The following DGUOK variants were observed in gnomAD, a reference collection of about 807,000 sequenced individuals.
DGUOK encodes the protein deoxyguanosine kinase, mitochondrial.
A neutral mutation model predicts 36.6 loss-of-function variants in DGUOK; 30 were observed. The observed-to-expected ratio is 0.82, with a 90% CI of 0.61 to 1.11. The LOEUF is 1.11. DGUOK is among the 50% of genes most tolerant of loss of function. DGUOK has a pLI of 0.00. For missense variants in DGUOK, 361 were observed against 336.4 expected (o/e 1.07, Z -0.57); for synonymous variants, 145 against 126.3 (o/e 1.15, Z -0.99).
rs767591165 is a variant in DGUOK at position 73,950,725 on chromosome 2, C to T, written c.584C>T (p.Ser195Phe). The T allele has an allele frequency of 9.0e-5, 145 of 1,614,104 alleles. No homozygotes were observed. Among genetic ancestry groups the T allele is most frequent in the Non-Finnish European group, 1.2e-4 (138 of 1,180,054 alleles). The change falls in exon 4 of 7, where the codon TCT becomes TTT. Residue 195 changes from serine (S) to phenylalanine (F), a missense_variant. By Grantham distance (155) the Ser-to-Phe change is radical. Coordinates refer to ENST00000264093, the MANE Select transcript of DGUOK (RefSeq NM_080916.3). ...TLHGFIYLQA[S>F]PQVCLKRLYQ... ...CATGGCTTCATCTACCTCCAGGCTT[C>T]TCCCCAGGTAACACTGAACCTACAA... is the stretch of plus-strand genomic sequence containing the variant.
chr2:73,953,311 G>A (rs984617814), intron 4 of DGUOK, among the ~76,000 whole-genome samples: 19 of 134,748 alleles, frequency 1.4e-4, no homozygotes, highest in African/African-American at 5.0e-4. Context: ...CGTCGTCGTC[G>A]TCGTCACTTG....
rs773862116 is a variant in DGUOK, at chr2:73,958,760, T to G, written c.*24T>G. On this transcript the variant is annotated 3_prime_UTR_variant, in exon 7 of 7. Transcript: ENST00000264093. ...AACCAATACCATGAAGTTCAGGCTG[T>G]GATCTGGGCTCCCTGACTTTCTGAA... 6.2e-7 allele frequency: 1 copy of G among 1,602,910 alleles called. No individual in the cohort carries two copies. Among genetic ancestry groups the G allele is most frequent in the Non-Finnish European group, 8.5e-7 (1 of 1,169,830 alleles).
At chr2:73,933,644 G>A (rs1250257990) in intron 1 of DGUOK, among the ~76,000 whole-genome samples, 1 of 152,062 alleles carries the variant, frequency 6.6e-6, no homozygotes, top group Non-Finnish European at 1.5e-5. Context: ...ATGAAAAAAG[G>A]TCATCAAAGT....
chr2:73,933,549 G>C (rs1270486689), intron 1 of DGUOK, among the ~76,000 whole-genome samples: 1 of 152,134 alleles, frequency 6.6e-6, no homozygotes, highest in Non-Finnish European at 1.5e-5. Context: ...GATCAGTGAG[G>C]GTCTTTTGTG....
chr2:73,931,419 C>T (rs1681027397), intron 1 of DGUOK, among the ~76,000 whole-genome samples: 1 of 152,188 alleles, frequency 6.6e-6, no homozygotes, highest in Admixed American at 6.5e-5. Flanking sequence ...AGACTACAGG[C>T]ATGTGCCACC....
chr2:73,937,710 C>T (rs1573523468), intron 1 of DGUOK, among the ~76,000 whole-genome samples: 2 of 152,310 alleles, frequency 1.3e-5, no homozygotes, highest in South Asian at 2.1e-4. Flanking sequence ...GTGGAGATGT[C>T]TGGAGAGTTC....
intron 1 of DGUOK, among the ~76,000 whole-genome samples, chr2:73,933,866 G>A (rs1266411440): frequency 6.6e-6 from 1 of 152,144 alleles, no homozygotes; most frequent in African/African-American, 2.4e-5. Context: ...GAATGAGTGA[G>A]TGAATGAATG....
At chr2:73,951,027 G>A (rs1682669398) in intron 4 of DGUOK, among the ~76,000 whole-genome samples, 1 of 152,114 alleles carries the variant, frequency 6.6e-6, no homozygotes, top group Non-Finnish European at 1.5e-5. Context: ...CAGGTGGGAC[G>A]CTCTGACCTG....
chr2:73,941,150 A>G (rs2104917856), intron 2 of DGUOK, among the ~76,000 whole-genome samples: 1 of 152,308 alleles, frequency 6.6e-6, no homozygotes, highest in Non-Finnish European at 1.5e-5. Flanking sequence ...CAGCCTTTTC[A>G]AGGGGGCCAC....
chr2:73,926,884 G>C lies in DGUOK; in HGVS notation c.-27G>C. Reference sequence around the variant, plus strand: ...TAGGGCGGAAGTGCTCTCGGCGGAAGTGATCGCTGTGTGAATCGTGGGTGG... The same window carrying C: ...TAGGGCGGAAGTGCTCTCGGCGGAACTGATCGCTGTGTGAATCGTGGGTGG... On this transcript the variant is annotated 5_prime_UTR_variant, in exon 1 of 7. Coordinates refer to ENST00000264093, the MANE Select transcript of DGUOK (RefSeq NM_080916.3). 6.2e-7 allele frequency: 1 copy of C among 1,612,982 alleles called. No homozygotes were observed. Among genetic ancestry groups the C allele is most frequent in the South Asian group, 1.1e-5 (1 of 91,090 alleles).
Position 73,957,241 on chromosome 2 carries a change from G to GT in DGUOK, c.707+2dup. 1.2e-6 allele frequency: 2 copies of GT among 1,612,078 alleles called. No individual in the cohort carries two copies. The highest frequency in any genetic ancestry group is 1.7e-6 in the Non-Finnish European group (2 of 1,178,288). ...CCTGGCTTATTCACAAGACAACGAA[G>GT]TAAGTGGGGAGAAAAGAATGTATCA... On this transcript the variant is annotated splice_donor_variant, in intron 5 of 6. Coordinates refer to ENST00000264093, the MANE Select transcript of DGUOK (RefSeq NM_080916.3). LOFTEE classifies it high-confidence loss of function.
intron 5 of DGUOK, chr2:73,957,892 T>A: frequency 2.5e-6 from 1 of 406,658 alleles, no homozygotes; most frequent in South Asian, 2.1e-5. Flanking sequence ...AGGCTTGGTT[T>A]GTTGTCCACT....
chr2:73,930,286 T>C (rs1429821260), intron 1 of DGUOK, among the ~76,000 whole-genome samples: 1 of 152,152 alleles, frequency 6.6e-6, no homozygotes, highest in Admixed American at 6.5e-5. Flanking sequence ...AAGAGAAATG[T>C]TGAATTACTG....
In DGUOK at chr2:73,939,055, G is replaced by T. The variant is rs1458305421; in HGVS notation, c.255+33G>T. On this transcript the variant is annotated intron_variant, in intron 2 of 6. Coordinates refer to ENST00000264093, the MANE Select transcript of DGUOK (RefSeq NM_080916.3). ...TTTAGTTGTGGTGGGTAGTTGGCAGGCATGGGTGAATAATCTAATTGTCAT... is the reference window on the plus strand; with the variant it reads ...TTTAGTTGTGGTGGGTAGTTGGCAGTCATGGGTGAATAATCTAATTGTCAT... 3 of 1,364,584 alleles carry T rather than the reference G, an allele frequency of 2.2e-6. No individual in the cohort carries two copies. The African/African-American group carries it at 4.3e-5, about 19-fold the overall frequency. 84.5% of individuals were successfully genotyped at this position (1,364,584 alleles called of 1,614,324 possible).
intron 3 of DGUOK, among the ~76,000 whole-genome samples, chr2:73,949,919 T>G (rs1482797145): frequency 6.6e-6 from 1 of 152,240 alleles, no homozygotes; most frequent in East Asian, 1.9e-4. Context: ...GCTTTAGCTT[T>G]CTTTTATCTG....
intron 4 of DGUOK, among the ~76,000 whole-genome samples, chr2:73,955,028 C>CT (rs1038732695): frequency 3.7e-4 from 56 of 151,522 alleles, no homozygotes; most frequent in Non-Finnish European, 7.1e-4. Context: ...ACTTCGACCT[C>CT]TTTTTTTTTC....
intron 3 of DGUOK, 49 bp downstream of exon 3, chr2:73,946,955 C>T (rs752581622): frequency 2.0e-6 from 3 of 1,511,704 alleles, no homozygotes; most frequent in Non-Finnish European, 2.7e-6. Flanking sequence ...CTCAGTGCTG[C>T]CTGTTTGATC....
At chr2:73,937,491 A>G (rs922560253) in intron 1 of DGUOK, among the ~76,000 whole-genome samples, 2 of 152,216 alleles carry the variant, frequency 1.3e-5, no homozygotes, top group African/African-American at 4.8e-5. Flanking sequence ...GGGAATGGAG[A>G]GAAAAGGACA....
chr2:73,935,330 T>TG (rs1681377746), intron 1 of DGUOK, among the ~76,000 whole-genome samples: 1 of 152,158 alleles, frequency 6.6e-6, no homozygotes, highest in Non-Finnish European at 1.5e-5. Context: ...TGAAGAAGTA[T>TG]GGCTTTCTGT....
Sources: gnomAD v4.1 joint callset for allele counts (sites outside exome capture counted in the v4.1 genomes callset) on GRCh38, gnomAD v4.1.1 for gene constraint, MANE v1.5 for transcripts, NCBI Gene and HGNC (gene_info 2026-07-23, HGNC 2026-07-21) for gene names.